Variants in FER observed in about 807,000 individuals in gnomAD.
FER encodes the protein tyrosine-protein kinase Fer.
A neutral mutation model predicts 111.0 loss-of-function variants in FER; 63 were observed. The ratio of observed to expected loss-of-function variants is 0.57; its 90% CI spans 0.46 to 0.70. FER has a LOEUF of 0.70. Ranked by LOEUF, FER falls within the 30% of genes least tolerant of loss-of-function variation. The pLI, the probability that FER is intolerant of heterozygous loss-of-function variation, is 0.00. For missense variants in FER, 914 were observed against 954.0 expected, an observed-to-expected ratio of 0.96 and a Z score of 0.55; for synonymous variants, 327 against 313.9, an observed-to-expected ratio of 1.04 and a Z score of -0.44.
intron 3 of FER, among the ~76,000 whole-genome samples, chr5:108,829,405 AGGTG>A (rs1408783097): frequency 2.0e-5 from 3 of 152,214 alleles, no homozygotes; most frequent in Non-Finnish European, 4.4e-5. Context: ...TGGGAGGCTG[AGGTG>A]GGAAGATCAC....
chr5:108,766,646 A>G (rs13184924), intron 1 of FER, among the ~76,000 whole-genome samples: 19,592 of 152,236 alleles, frequency 0.13, 1,590 homozygotes, highest in Non-Finnish European at 0.19. Flanking sequence ...TGCCTGACAT[A>G]CTGTGTTTGA....
intron 17 of FER, among the ~76,000 whole-genome samples, chr5:109,121,222 C>T (rs1438842603): frequency 6.6e-6 from 1 of 152,082 alleles, no homozygotes; most frequent in Non-Finnish European, 1.5e-5. Context: ...ATTATACTAG[C>T]AGTGGGTCTG....
chr5:108,888,284 T>C lies in FER; in HGVS notation c.1046+4766T>C, dbSNP rs190346882. On this transcript the variant is annotated intron_variant, in intron 9 of 19. Coordinates refer to ENST00000281092, the MANE Select transcript of FER (RefSeq NM_005246.4). ...TTCATTCAACAATGTTGATTGTGCA[T>C]CTACCAGATGCTGTGATTGCAGTGA... is the stretch of plus-strand genomic sequence containing the variant. 4.3e-3 allele frequency among the ~76,000 whole-genome samples: 656 copies of C among 152,048 alleles called. 1 individual carries two copies. Among genetic ancestry groups the C allele is most frequent in the Non-Finnish European group, 6.7e-3 (452 of 67,892 alleles).
chr5:108,924,878 C>T, intron 10 of FER: 1 of 1,004,076 alleles, frequency 1.0e-6, no homozygotes, highest in Non-Finnish European at 1.3e-6. Flanking sequence ...TATGCGGCTG[C>T]TTCAAATGGG....
chr5:108,841,995 T>C (rs1761318751), intron 5 of FER: 1 of 162,058 alleles, frequency 6.2e-6, no homozygotes, highest in African/African-American at 2.4e-5. Flanking sequence ...CCAGACAGGA[T>C]ATTTGATATT....
chr5:109,176,045 T>C (rs970668829), intron 17 of FER, among the ~76,000 whole-genome samples: 2 of 152,104 alleles, frequency 1.3e-5, no homozygotes, highest in Non-Finnish European at 2.9e-5. Context: ...AGGAAGCTCT[T>C]ATACACTGTT....
intron 8 of FER, among the ~76,000 whole-genome samples, chr5:108,875,300 C>T (rs572566636): frequency 1.3e-3 from 203 of 152,136 alleles, no homozygotes; most frequent in African/African-American, 4.4e-3. Flanking sequence ...TGCATTTATG[C>T]TACATTATTT....
chr5:109,008,171 A>G (rs1471849124), intron 13 of FER, among the ~76,000 whole-genome samples: 1 of 152,160 alleles, frequency 6.6e-6, no homozygotes, highest in Non-Finnish European at 1.5e-5. Flanking sequence ...TCTCTCTTTA[A>G]CCTTATATTA....
intron 13 of FER, among the ~76,000 whole-genome samples, chr5:109,019,524 C>T (rs541894125): frequency 3.6e-4 from 55 of 151,770 alleles, no homozygotes; most frequent in African/African-American, 1.0e-3. Context: ...AAAGTGTGAT[C>T]GCCAGACCAG....
chr5:109,079,842 C>T (rs1776784599), intron 16 of FER, among the ~76,000 whole-genome samples: 1 of 152,102 alleles, frequency 6.6e-6, no homozygotes, highest in African/African-American at 2.4e-5. Flanking sequence ...CCAATGCCAA[C>T]CCCACAGTTC....
At chr5:108,876,131 C>G (rs867383306) in intron 8 of FER, among the ~76,000 whole-genome samples, 13 of 152,100 alleles carry the variant, frequency 8.5e-5, no homozygotes, top group African/African-American at 3.1e-4. Context: ...CAAACTATAG[C>G]CCATGAGGCA....
At position 109,024,358 on chromosome 5, in the gene FER, T is replaced by C. The variant is rs556737057; in HGVS notation, c.1657-13064T>C. On this transcript the variant is annotated intron_variant, in intron 13 of 19. Coordinates refer to ENST00000281092, the MANE Select transcript of FER (RefSeq NM_005246.4). ...TCCTTGAAGCCTGGACAAGGTTCAC[T>C]CCTTGCATATCTCTTCTTCATAAGA... Among the ~76,000 whole-genome samples, 5 of 152,276 alleles carry C rather than the reference T, an allele frequency of 3.3e-5. No individual in the cohort carries two copies. In the South Asian group the frequency reaches 1.0e-3, roughly 32 times the overall value.
intron 13 of FER, among the ~76,000 whole-genome samples, chr5:109,020,772 G>T (rs1219404134): frequency 6.6e-6 from 1 of 151,960 alleles, no homozygotes; most frequent in Non-Finnish European, 1.5e-5. Flanking sequence ...CTCAAAATTG[G>T]TTTTCAGCCA....
intron 3 of FER, among the ~76,000 whole-genome samples, chr5:108,814,868 T>C (rs1435897824): frequency 1.3e-5 from 2 of 152,176 alleles, no homozygotes; most frequent in African/African-American, 4.8e-5. Flanking sequence ...GTGGTTTTCT[T>C]TTCTTTTTTT....
intron 5 of FER, among the ~76,000 whole-genome samples, chr5:108,845,018 A>ATG (rs1561502861): frequency 0.015 from 806 of 53,310 alleles, 18 homozygotes; most frequent in African/African-American, 0.048. Flanking sequence ...ATATATATAT[A>ATG]TATATATATA....
At chr5:108,963,595 G>A (rs934141582) in intron 13 of FER, among the ~76,000 whole-genome samples, 2 of 151,958 alleles carry the variant, frequency 1.3e-5, no homozygotes, top group South Asian at 2.1e-4. Context: ...CAAAATGTAC[G>A]TTAGATAGGC....
chr5:108,999,917 A>G (rs1397071696), intron 13 of FER, among the ~76,000 whole-genome samples: 1 of 152,062 alleles, frequency 6.6e-6, no homozygotes, highest in Non-Finnish European at 1.5e-5. Context: ...AAAGCCCTTT[A>G]CTATAACTGT....
intron 6 of FER, among the ~76,000 whole-genome samples, chr5:108,870,453 C>A (rs142367541): frequency 0.014 from 2,147 of 152,136 alleles, 45 homozygotes; most frequent in African/African-American, 0.049. Context: ...TTAAATTTTT[C>A]TGCCTCCCCT....
intron 16 of FER, among the ~76,000 whole-genome samples, chr5:109,092,911 G>A (rs748928619): frequency 6.6e-6 from 1 of 152,134 alleles, no homozygotes; most frequent in East Asian, 1.9e-4. Flanking sequence ...ATATAAAATG[G>A]AATATTATTC....
Sources: gnomAD v4.1 joint callset for allele counts (sites outside exome capture counted in the v4.1 genomes callset) on GRCh38, gnomAD v4.1.1 for gene constraint, MANE v1.5 for transcripts, NCBI Gene and HGNC (gene_info 2026-07-23, HGNC 2026-07-21) for gene names.